The following PLCE1 variants were observed in gnomAD, a reference collection of about 807,000 sequenced individuals.
The protein encoded by PLCE1 is phospholipase C epsilon 1.
A neutral mutation model predicts 242.8 loss-of-function variants in PLCE1; 119 were observed. That is an observed-to-expected ratio of 0.49 (90% CI 0.42 to 0.57). The LOEUF is 0.57. Ranked by LOEUF, PLCE1 falls within the 20% of genes least tolerant of loss-of-function variation. The pLI, the probability that PLCE1 is intolerant of heterozygous loss-of-function variation, is 0.00. For synonymous variants in PLCE1, 945 were observed against 1,017.4 expected (o/e 0.93, Z 1.35); for missense variants, 2,441 against 2,788.8 (o/e 0.88, Z 2.81).
intron 3 of PLCE1, among the ~76,000 whole-genome samples, chr10:94,133,844 G>C (rs184198650): frequency 6.5e-4 from 99 of 152,086 alleles, no homozygotes; most frequent in African/African-American, 2.3e-3. Context: ...CATAATTCCT[G>C]CCCTCATGGA....
At chr10:94,103,581 A>G (rs1004319770) in intron 2 of PLCE1, among the ~76,000 whole-genome samples, 12 of 152,198 alleles carry the variant, frequency 7.9e-5, no homozygotes, top group Admixed American at 7.2e-4. Flanking sequence ...ACAAACCACC[A>G]TGGCACGTGT....
At chr10:94,278,030 C>A (rs1406950446) in intron 19 of PLCE1, among the ~76,000 whole-genome samples, 1 of 152,096 alleles carries the variant, frequency 6.6e-6, no homozygotes, top group African/African-American at 2.4e-5. Context: ...GAAATCGCAG[C>A]CTAGACCATG....
At chr10:94,236,493 G>T (rs2050329366) in intron 7 of PLCE1, among the ~76,000 whole-genome samples, 1 of 152,016 alleles carries the variant, frequency 6.6e-6, no homozygotes, top group African/African-American at 2.4e-5. Flanking sequence ...TCTTGGGTGG[G>T]GTACTAGGGT....
At chr10:94,044,051 A>G (rs2134675029) in intron 2 of PLCE1, among the ~76,000 whole-genome samples, 1 of 152,336 alleles carries the variant, frequency 6.6e-6, no homozygotes. Context: ...AGGAGCCTCA[A>G]AATGAATGAC....
At chr10:94,012,188 A>T (rs902215727) in intron 1 of PLCE1, among the ~76,000 whole-genome samples, 3 of 151,796 alleles carry the variant, frequency 2.0e-5, no homozygotes, top group African/African-American at 7.3e-5. Context: ...TCTTCCCTTG[A>T]TACCTCTCTC....
intron 1 of PLCE1, among the ~76,000 whole-genome samples, chr10:94,009,473 C>A (rs1174940580): frequency 6.6e-6 from 1 of 152,184 alleles, no homozygotes; most frequent in Non-Finnish European, 1.5e-5. Context: ...CCCCCTAAAT[C>A]TCATGTTCTT....
At chr10:94,053,086 A>G (rs1160096091) in intron 2 of PLCE1, among the ~76,000 whole-genome samples, 1 of 152,196 alleles carries the variant, frequency 6.6e-6, no homozygotes, top group Non-Finnish European at 1.5e-5. Flanking sequence ...AGTTTTCATA[A>G]GAGTGGAATG....
At chr10:94,172,192 C>G (rs2048005105) in intron 4 of PLCE1, among the ~76,000 whole-genome samples, 1 of 152,072 alleles carries the variant, frequency 6.6e-6, no homozygotes, top group Admixed American at 6.6e-5. Context: ...TCCCTGTGGC[C>G]CTGGGATAGG....
Position 94,252,329 on chromosome 10 carries a change from A to G in PLCE1, c.3110A>G (p.Tyr1037Cys), listed in dbSNP as rs771364821. 2.5e-6 allele frequency: 4 copies of G among 1,614,062 alleles called. No homozygotes were observed. Among genetic ancestry groups the G allele is most frequent in the Non-Finnish European group, 8.5e-7 (1 of 1,179,964 alleles). Residue 1037 changes from tyrosine (Y) to cysteine (C), a missense_variant, in exon 9 of 33, where the codon TAT (tyrosine) becomes TGT (cysteine). Tyr to Cys is a radical substitution (Grantham distance 194). Around this residue, in one of 5 missense-constraint regions of PLCE1, gnomAD observed 1,004 missense variants for 1,322.7 expected, o/e 0.76. Transcript: ENST00000371380. ...YVSLYQEDGRYEGPTLAHAVE... is the reference protein window; with the variant it reads ...YVSLYQEDGRCEGPTLAHAVE... ...GCTCTTTCACAGGAGGATGGACGGTATGAAGGCCCAACTTTGGCTCACGCT... is the reference window on the plus strand; with the variant it reads ...GCTCTTTCACAGGAGGATGGACGGTGTGAAGGCCCAACTTTGGCTCACGCT...
At chr10:94,321,046 A>AAGCC (rs1403167575) in intron 29 of PLCE1, among the ~76,000 whole-genome samples, 1 of 152,172 alleles carries the variant, frequency 6.6e-6, no homozygotes, top group Non-Finnish European at 1.5e-5. Flanking sequence ...ATCCACCAAA[A>AAGCC]AGCCAATTAA....
At chr10:94,180,641 G>A (rs2048283178) in intron 4 of PLCE1, among the ~76,000 whole-genome samples, 1 of 152,214 alleles carries the variant, frequency 6.6e-6, no homozygotes, top group African/African-American at 2.4e-5. Context: ...CCTTAGCGGT[G>A]ATGGTGCTAT....
At chr10:94,301,339 A>G (rs1232205490) in intron 24 of PLCE1, among the ~76,000 whole-genome samples, 1 of 151,786 alleles carries the variant, frequency 6.6e-6, no homozygotes, top group African/African-American at 2.4e-5. Flanking sequence ...GTGAGATACT[A>G]TCTCAAAAAA....
At chr10:94,205,153 C>T (rs1456281632) in intron 4 of PLCE1, among the ~76,000 whole-genome samples, 1 of 152,182 alleles carries the variant, frequency 6.6e-6, no homozygotes, top group Non-Finnish European at 1.5e-5. Context: ...ATTCCTTACA[C>T]GTCCTTTAAT....
intron 2 of PLCE1, among the ~76,000 whole-genome samples, chr10:94,083,614 C>T (rs1589979252): frequency 6.6e-6 from 1 of 152,334 alleles, no homozygotes; most frequent in East Asian, 1.9e-4. Context: ...ACAGCAGTTT[C>T]CTCTGATTTG....
chr10:94,040,411 T>C (rs1482438785), intron 2 of PLCE1, among the ~76,000 whole-genome samples: 1 of 152,062 alleles, frequency 6.6e-6, no homozygotes, highest in Admixed American at 6.5e-5. Flanking sequence ...GAGCAGTGGC[T>C]GGGAATGAGA....
chr10:94,013,399 C>T (rs1391470617), intron 1 of PLCE1, among the ~76,000 whole-genome samples: 1 of 152,196 alleles, frequency 6.6e-6, no homozygotes, highest in South Asian at 2.1e-4. Context: ...CCCTCCCTGC[C>T]AAGCACAATA....
chr10:94,195,797 C>A (rs1406181162), intron 4 of PLCE1, among the ~76,000 whole-genome samples: 1 of 152,118 alleles, frequency 6.6e-6, no homozygotes, highest in Admixed American at 6.6e-5. Context: ...CTGTACTATA[C>A]ATCTAAAAAA....
intron 4 of PLCE1, among the ~76,000 whole-genome samples, chr10:94,188,303 AAT>A (rs573946135): frequency 3.3e-4 from 51 of 152,318 alleles, no homozygotes; most frequent in Admixed American, 2.3e-3. Flanking sequence ...TGCTGTATAA[AAT>A]ATGTTTTCTT....
At chr10:94,214,289 G>C (rs1163863556) in intron 4 of PLCE1, among the ~76,000 whole-genome samples, 3 of 152,176 alleles carry the variant, frequency 2.0e-5, no homozygotes, top group Non-Finnish European at 4.4e-5. Context: ...ATTTACCCTA[G>C]AGCTCACAGC....
Sources: allele counts gnomAD v4.1 joint callset (sites outside exome capture counted in the v4.1 genomes callset), GRCh38; gene constraint gnomAD v4.1.1; regional missense constraint gnomAD v4.1.1; transcripts MANE v1.5; gene names NCBI Gene and HGNC (gene_info 2026-07-23, HGNC 2026-07-21).